The following JAKMIP1 variants were observed in gnomAD, a reference collection of about 807,000 sequenced individuals.
JAKMIP1 encodes janus kinase and microtubule interacting protein 1, also known as janus kinase and microtubule-interacting protein 1.
A neutral mutation model predicts 113.0 loss-of-function variants in JAKMIP1; 33 were observed. That is an observed-to-expected ratio of 0.29 (90% CI 0.22 to 0.39). The LOEUF (loss-of-function observed/expected upper bound fraction) is 0.39, where lower values mean the gene tolerates loss of function less well. JAKMIP1 is among the 10% of genes least tolerant of loss of function. The pLI is 1.00. For missense variants in JAKMIP1, 813 were observed against 1,080.5 expected (o/e 0.75, Z 3.47); for synonymous variants, 480 against 459.9 (o/e 1.04, Z -0.56).
chr4:6,143,560 T>A lies in JAKMIP1; in HGVS notation c.-147-30563A>T, dbSNP rs1312785717. On this transcript the variant is annotated intron_variant, in intron 1 of 20. Transcript: ENST00000409021. This position sits in a 1 kb window ranked among gnomAD's most constrained non-coding sequence, Gnocchi z 4.9. ...TTCAGTTATGCCTCCAGCCCCTGGA[T>A]AATATTTTTAAACTTTTCAGTTAAT... Among the ~76,000 whole-genome samples, 1 of 152,184 alleles carries A rather than the reference T, an allele frequency of 6.6e-6. No homozygotes were observed. The highest frequency in any genetic ancestry group is 1.5e-5 in the Non-Finnish European group (1 of 68,036).
chr4:6,084,751 T>C, intron 5 of JAKMIP1, 95 bp downstream of exon 5: 1 of 1,270,858 alleles, frequency 7.9e-7, no homozygotes, highest in South Asian at 2.0e-5. Flanking sequence ...ACCAGAAGGC[T>C]TCTGCATTAA....
At chr4:6,109,481 A>T (rs1714559515) in intron 2 of JAKMIP1, among the ~76,000 whole-genome samples, 1 of 151,572 alleles carries the variant, frequency 6.6e-6, no homozygotes, top group Non-Finnish European at 1.5e-5. Context: ...CAAAACCCCC[A>T]CAAAACTGCC....
intron 1 of JAKMIP1, among the ~76,000 whole-genome samples, chr4:6,174,098 T>C (rs1162866159): frequency 6.6e-6 from 1 of 152,214 alleles, no homozygotes; most frequent in East Asian, 1.9e-4. Flanking sequence ...AATCACAACA[T>C]AATGATCAAA....
chr4:6,048,987 C>G, intron 15 of JAKMIP1, 65 bp from the exon 16 acceptor site: 1 of 1,238,636 alleles, frequency 8.1e-7, no homozygotes, highest in Non-Finnish European at 1.2e-6. Flanking sequence ...AGACAGTCAG[C>G]ACCAAGCAAG....
chr4:6,106,520 C>T lies in JAKMIP1; in HGVS notation c.130-553G>A, dbSNP rs781760225. 6.7e-6 allele frequency among the ~76,000 whole-genome samples: 1 copy of T among 150,074 alleles called. No individual in the cohort carries two copies. Among genetic ancestry groups the T allele is most frequent in the Non-Finnish European group, 1.5e-5 (1 of 67,620 alleles). On this transcript the variant is annotated intron_variant, in intron 2 of 20. Coordinates refer to ENST00000409021, the MANE Select transcript of JAKMIP1 (RefSeq NM_001099433.2). This position sits in a 1 kb window ranked among gnomAD's most constrained non-coding sequence, Gnocchi z 5.9. ...GTCTTGGGAAGGAAGTAGCGTGCTC[C>T]CTCTCTTTCTCCCTCTCTCCTCTCT...
At chr4:6,039,695 GC>G (rs1367352386) in intron 18 of JAKMIP1, among the ~76,000 whole-genome samples, 1 of 152,160 alleles carries the variant, frequency 6.6e-6, no homozygotes, top group African/African-American at 2.4e-5. Context: ...TACATCTCCT[GC>G]TCCTAGTCTC....
chr4:6,149,969 T>C (rs1441112129), intron 1 of JAKMIP1, among the ~76,000 whole-genome samples: 1 of 152,076 alleles, frequency 6.6e-6, no homozygotes, highest in Non-Finnish European at 1.5e-5. Context: ...CCACTGCCCC[T>C]GCTTACCAGG....
chr4:6,183,772 T>G lies in JAKMIP1; in HGVS notation c.-148+16481A>C, dbSNP rs1006219430. 2.6e-5 allele frequency among the ~76,000 whole-genome samples: 4 copies of G among 152,148 alleles called. No homozygotes were observed. Among genetic ancestry groups the G allele is most frequent in the Non-Finnish European group, 5.9e-5 (4 of 68,026 alleles). On this transcript the variant is annotated intron_variant, in intron 1 of 20. Transcript: ENST00000409021. This position sits in a 1 kb window ranked among gnomAD's most constrained non-coding sequence, Gnocchi z 5.3. ...CACTGCAGGGACCTGGGCTGCCAGG[T>G]GAACACTCAGCTTTGTGCAGGGCTT...
Position 6,140,453 on chromosome 4 carries a change from G to A in JAKMIP1, c.-147-27456C>T, listed in dbSNP as rs1719966858. On this transcript the variant is annotated intron_variant, in intron 1 of 20. Transcript: ENST00000409021. The surrounding 1 kb of genome is among the most constrained non-coding windows in gnomAD (Gnocchi z 9.4). Reference sequence around the variant, plus strand: ...CCCCAGGAGTGTGTGCTCAGGTCCTGCTTCATCAACACTGGGGGTCAGTGA... The same window carrying A: ...CCCCAGGAGTGTGTGCTCAGGTCCTACTTCATCAACACTGGGGGTCAGTGA... 6.6e-6 allele frequency among the ~76,000 whole-genome samples: 1 copy of A among 152,022 alleles called. No individual in the cohort carries two copies. Among genetic ancestry groups the A allele is most frequent in the Admixed American group, 6.5e-5 (1 of 15,268 alleles).
chr4:6,155,662 T>C lies in JAKMIP1; in HGVS notation c.-147-42665A>G, dbSNP rs976635251. 6.6e-6 allele frequency among the ~76,000 whole-genome samples: 1 copy of C among 152,188 alleles called. No homozygotes were observed. The highest frequency in any genetic ancestry group is 1.5e-5 in the Non-Finnish European group (1 of 68,024). On this transcript the variant is annotated intron_variant, in intron 1 of 20. Transcript: ENST00000409021. This position sits in a 1 kb window ranked among gnomAD's most constrained non-coding sequence, Gnocchi z 6.1. ...GATGTGCTGTTTACAACAAGGAAAA[T>C]AAGCAGCCAACTAAATATTTGCTAA...
rs922181626 is a variant in JAKMIP1, at chr4:6,108,622, C to G, written c.130-2655G>C. On this transcript the variant is annotated intron_variant, in intron 2 of 20. Transcript: ENST00000409021. This position sits in a 1 kb window ranked among gnomAD's most constrained non-coding sequence, Gnocchi z 5.6. ...GCCACTTCCCCACTTCCCCCTTGCC[C>G]AAGCCACCTGCAGCAGCCCTCCCCG... Among the ~76,000 whole-genome samples, 2 of 152,138 alleles carry G rather than the reference C, an allele frequency of 1.3e-5. No homozygotes were observed. Among genetic ancestry groups the G allele is most frequent in the South Asian group, 2.1e-4 (1 of 4,822 alleles).
chr4:6,082,065 G>GA (rs910619654), intron 5 of JAKMIP1, among the ~76,000 whole-genome samples: 3 of 152,060 alleles, frequency 2.0e-5, no homozygotes, highest in African/African-American at 7.2e-5. Flanking sequence ...TCAATATCAT[G>GA]ATAACCACAG....
chr4:6,156,280 G>A lies in JAKMIP1; in HGVS notation c.-147-43283C>T, dbSNP rs572961318. 6.6e-5 allele frequency among the ~76,000 whole-genome samples: 10 copies of A among 152,320 alleles called. No individual in the cohort carries two copies. The South Asian group carries it at 2.1e-3, about 32-fold the overall frequency. Reference sequence around the variant, plus strand: ...TGCCACTGTATCACACTGATCCTAAGTTAACGTTTCTGAAATCAAGATTCA... The same window carrying A: ...TGCCACTGTATCACACTGATCCTAAATTAACGTTTCTGAAATCAAGATTCA... On this transcript the variant is annotated intron_variant, in intron 1 of 20. Transcript: ENST00000409021. The surrounding 1 kb of genome is among the most constrained non-coding windows in gnomAD (Gnocchi z 5.0).
rs963661653 is a variant in JAKMIP1 at position 6,168,186 on chromosome 4, G to A, written c.-148+32067C>T. Among the ~76,000 whole-genome samples, 14 of 152,224 alleles carry A rather than the reference G, an allele frequency of 9.2e-5. No individual in the cohort carries two copies. Among genetic ancestry groups the A allele is most frequent in the African/African-American group, 3.4e-4 (14 of 41,456 alleles). Reference sequence around the variant, plus strand: ...GGAACTGGACCCTTTATGCATTGCTGGTGGGGTCATGAAATGATGCAGCCA... The same window carrying A: ...GGAACTGGACCCTTTATGCATTGCTAGTGGGGTCATGAAATGATGCAGCCA... On this transcript the variant is annotated intron_variant, in intron 1 of 20. Coordinates refer to ENST00000409021, the MANE Select transcript of JAKMIP1 (RefSeq NM_001099433.2). This position sits in a 1 kb window ranked among gnomAD's most constrained non-coding sequence, Gnocchi z 4.6.
chr4:6,070,202 G>C, intron 8 of JAKMIP1: 3 of 398,464 alleles, frequency 7.5e-6, no homozygotes, highest in Non-Finnish European at 1.3e-5. Context: ...CCTGTGCGTG[G>C]GCTTAGGCAA....
chr4:6,058,575 A>G (rs769354422), intron 11 of JAKMIP1, among the ~76,000 whole-genome samples: 7 of 152,238 alleles, frequency 4.6e-5, no homozygotes, highest in African/African-American at 7.2e-5. Context: ...TTAAGTTATT[A>G]GTCAATTGGG....
In JAKMIP1 at chr4:6,179,742, G is replaced by A. The variant is rs551748862; in HGVS notation, c.-148+20511C>T. Among the ~76,000 whole-genome samples the A allele has an allele frequency of 6.6e-6, 1 of 152,336 alleles. No homozygotes were observed. Among genetic ancestry groups the A allele is most frequent in the South Asian group, 2.1e-4 (1 of 4,830 alleles). Reference sequence around the variant, plus strand: ...CACTCAAAAGAAGAGACTATTCTATGCCAGGTAGTATGCTGGGTACACCTC... The same window carrying A: ...CACTCAAAAGAAGAGACTATTCTATACCAGGTAGTATGCTGGGTACACCTC... On this transcript the variant is annotated intron_variant, in intron 1 of 20. Coordinates refer to ENST00000409021, the MANE Select transcript of JAKMIP1 (RefSeq NM_001099433.2). This position sits in a 1 kb window ranked among gnomAD's most constrained non-coding sequence, Gnocchi z 4.5.
In JAKMIP1 at chr4:6,158,617, C is replaced by T. The variant is rs1722542152; in HGVS notation, c.-148+41636G>A. Among the ~76,000 whole-genome samples the T allele has an allele frequency of 6.6e-6, 1 of 152,038 alleles. No homozygotes were observed. The highest frequency in any genetic ancestry group is 6.5e-5 in the Admixed American group (1 of 15,274). On this transcript the variant is annotated intron_variant, in intron 1 of 20. Coordinates refer to ENST00000409021, the MANE Select transcript of JAKMIP1 (RefSeq NM_001099433.2). This position sits in a 1 kb window ranked among gnomAD's most constrained non-coding sequence, Gnocchi z 5.3. ...CATCCCATAGGGCCATTTCTCCACC[C>T]CCCACCCCCACCAGCCCCAGCTAGT...
intron 1 of JAKMIP1, among the ~76,000 whole-genome samples, chr4:6,134,248 G>A (rs1194111724): frequency 6.6e-6 from 1 of 152,158 alleles, no homozygotes; most frequent in Non-Finnish European, 1.5e-5. Flanking sequence ...CACCATGATT[G>A]TAAGTTTCCT....
Sources: gnomAD v4.1 joint callset for allele counts (sites outside exome capture counted in the v4.1 genomes callset) on GRCh38, gnomAD v4.1.1 for gene constraint, Gnocchi (gnomAD v3.1) non-coding constraint, MANE v1.5 for transcripts, NCBI Gene and HGNC (gene_info 2026-07-23, HGNC 2026-07-21) for gene names.